ABCC4: variants seen among roughly 807,000 people sequenced by gnomAD.
The protein encoded by ABCC4 is ATP binding cassette subfamily C member 4 (PEL blood group).
In ABCC4, 102 loss-of-function variants were observed where a neutral mutation model predicts 168.5. That is an observed-to-expected ratio of 0.61 (90% CI 0.52 to 0.71). ABCC4 has a LOEUF of 0.71. Ranked by LOEUF, ABCC4 falls within the 30% of genes least tolerant of loss-of-function variation. The pLI, the probability that ABCC4 is intolerant of heterozygous loss-of-function variation, is 0.00. For missense variants in ABCC4, 1,402 were observed against 1,605.8 expected, an observed-to-expected ratio of 0.87 and a Z score of 2.17; for synonymous variants, 617 against 590.7, an observed-to-expected ratio of 1.04 and a Z score of -0.65.
intron 19 of ABCC4, among the ~76,000 whole-genome samples, chr13:95,151,545 A>AAGG (rs143997321): frequency 0.4 from 57,058 of 141,256 alleles, 14,522 homozygotes; most frequent in African/African-American, 0.73. Context: ...ATGAAGAAGG[A>AAGG]AGGAGGAGGA....
At chr13:95,078,819 A>AATCTC (rs2033997521) in intron 21 of ABCC4, among the ~76,000 whole-genome samples, 1 of 152,144 alleles carries the variant, frequency 6.6e-6, no homozygotes, top group Non-Finnish European at 1.5e-5. Flanking sequence ...TGCCACTGAG[A>AATCTC]AGGAAGGAGA....
chr13:95,034,865 T>C (rs2032052768), intron 29 of ABCC4, 126 bp from the exon 30 acceptor site: 5 of 1,343,930 alleles, frequency 3.7e-6, no homozygotes, highest in Non-Finnish European at 4.1e-6. Flanking sequence ...GCCTGGATAG[T>C]ATTTAAATGG....
intron 3 of ABCC4, among the ~76,000 whole-genome samples, chr13:95,245,692 G>A: frequency 6.6e-6 from 1 of 152,110 alleles, no homozygotes; most frequent in Non-Finnish European, 1.5e-5. Flanking sequence ...CTGGCACCCT[G>A]GCCAAAACAC....
At chr13:95,226,032 C>T (rs1217654569) in intron 4 of ABCC4, among the ~76,000 whole-genome samples, 4 of 147,444 alleles carry the variant, frequency 2.7e-5, no homozygotes, top group Admixed American at 2.7e-4. Flanking sequence ...TAGGTAAATA[C>T]ACTATTTTCT....
At chr13:95,095,168 C>T (rs1344389760) in intron 20 of ABCC4, among the ~76,000 whole-genome samples, 2 of 152,152 alleles carry the variant, frequency 1.3e-5, no homozygotes, top group Admixed American at 6.5e-5. Flanking sequence ...GAAAATAAAT[C>T]ATTATTTGGA....
At chr13:95,208,056 C>A in intron 6 of ABCC4, 131 bp from the exon 7 acceptor site, 1 of 922,352 alleles carries the variant, frequency 1.1e-6, no homozygotes, top group Non-Finnish European at 1.6e-6. Flanking sequence ...CAGACAGGTC[C>A]TACTCAAAAT....
rs369710555 is a variant in ABCC4, at chr13:95,272,921, T to C, written c.75-25168A>G. On this transcript the variant is annotated intron_variant, in intron 1 of 30. Coordinates refer to ENST00000645237, the MANE Select transcript of ABCC4 (RefSeq NM_005845.5). Reference sequence around the variant, plus strand: ...AAAAAATAAAAAAATAAAATAAACATGTGCTGGACAAACCTAAACACCTGC... The same window carrying C: ...AAAAAATAAAAAAATAAAATAAACACGTGCTGGACAAACCTAAACACCTGC... 3.7e-3 allele frequency among the ~76,000 whole-genome samples: 452 copies of C among 121,846 alleles called. 2 individuals carry two copies. Among genetic ancestry groups the C allele is most frequent in the African/African-American group, 0.013 (427 of 33,606 alleles). The allele number at this position is 121,846 out of a possible 152,430, so 79.9% of individuals were successfully genotyped here.
At chr13:95,193,327 C>T (rs2038316936) in intron 9 of ABCC4, among the ~76,000 whole-genome samples, 1 of 152,188 alleles carries the variant, frequency 6.6e-6, no homozygotes, top group Non-Finnish European at 1.5e-5. Context: ...CCAGCACTGC[C>T]CACCTGTTTT....
intron 19 of ABCC4, among the ~76,000 whole-genome samples, chr13:95,121,431 GTTTTT>G (rs567192252): frequency 7.2e-6 from 1 of 138,518 alleles, no homozygotes. Context: ...GTTTTTTTTT[GTTTTT>G]TTTTTTTTGA....
At chr13:95,152,277 G>C (rs2036712757) in intron 19 of ABCC4, among the ~76,000 whole-genome samples, 1 of 152,142 alleles carries the variant, frequency 6.6e-6, no homozygotes, top group African/African-American at 2.4e-5. Context: ...TTTAATATAA[G>C]TACCAGCTGT....
At chr13:95,276,014 A>G (rs2040962594) in intron 1 of ABCC4, among the ~76,000 whole-genome samples, 1 of 152,194 alleles carries the variant, frequency 6.6e-6, no homozygotes. Context: ...AGAAAGACCT[A>G]AAACATTCTT....
At chr13:95,069,324 C>T (rs1422112552) in intron 25 of ABCC4, among the ~76,000 whole-genome samples, 2 of 151,984 alleles carry the variant, frequency 1.3e-5, no homozygotes, top group Admixed American at 6.6e-5. Context: ...TAAAATGCTC[C>T]CTGACTTTAA....
intron 11 of ABCC4, among the ~76,000 whole-genome samples, chr13:95,178,844 G>T (rs964329992): frequency 2.0e-5 from 3 of 152,156 alleles, no homozygotes; most frequent in Admixed American, 6.5e-5. Flanking sequence ...TGGGGAACAA[G>T]GAAGTGAACA....
intron 4 of ABCC4, among the ~76,000 whole-genome samples, chr13:95,223,462 A>G (rs1462036227): frequency 2.0e-5 from 3 of 152,204 alleles, no homozygotes; most frequent in Non-Finnish European, 1.5e-5. Flanking sequence ...AAATATGAGT[A>G]AAGAGATAGA....
intron 8 of ABCC4, among the ~76,000 whole-genome samples, chr13:95,198,490 A>G (rs920174238): frequency 2.6e-5 from 4 of 152,226 alleles, no homozygotes; most frequent in African/African-American, 9.6e-5. Context: ...AGAAATAGGA[A>G]CACTTTTACA....
chr13:95,241,529 C>T (rs564262912), intron 3 of ABCC4, among the ~76,000 whole-genome samples: 26 of 152,180 alleles, frequency 1.7e-4, no homozygotes, highest in African/African-American at 5.8e-4. Context: ...TTCCTCCTGC[C>T]CCCCCTGCAG....
chr13:95,207,992 C>T, intron 6 of ABCC4, 67 bp from the exon 7 acceptor site: 1 of 1,560,434 alleles, frequency 6.4e-7, no homozygotes, highest in Non-Finnish European at 8.6e-7. Flanking sequence ...GCGGCAGGCA[C>T]AGGCAGGGAC....
intron 25 of ABCC4, 81 bp from the exon 26 acceptor site, chr13:95,062,940 G>T: frequency 1.3e-6 from 2 of 1,489,248 alleles, no homozygotes; most frequent in South Asian, 1.3e-5. Flanking sequence ...GAAAACTTTC[G>T]GTTTTTGAAG....
chr13:95,286,749 G>A (rs148051652), intron 1 of ABCC4, among the ~76,000 whole-genome samples: 412 of 151,584 alleles, frequency 2.7e-3, no homozygotes, highest in African/African-American at 8.8e-3. Context: ...CTGAGGTCAG[G>A]AGTTCGAGAC....
Sources: allele counts gnomAD v4.1 joint callset (sites outside exome capture counted in the v4.1 genomes callset), GRCh38; gene constraint gnomAD v4.1.1; transcripts MANE v1.5; gene names NCBI Gene and HGNC (gene_info 2026-07-23, HGNC 2026-07-21).